PCDH9: variants seen among roughly 807,000 people sequenced by gnomAD.
PCDH9 encodes the protein protocadherin-9.
In PCDH9, 24 loss-of-function variants were observed where a neutral mutation model predicts 70.6. The observed-to-expected ratio is 0.34, with a 90% CI of 0.25 to 0.48. The LOEUF is 0.48. PCDH9 is among the 20% of genes least tolerant of loss of function. The pLI is 0.99. For synonymous variants in PCDH9, 562 were observed against 558.5 expected (o/e 1.01, Z -0.09); for missense variants, 1,281 against 1,503.6 (o/e 0.85, Z 2.45).
At chr13:67,161,656 G>A (rs577749637) in intron 2 of PCDH9, among the ~76,000 whole-genome samples, 30 of 152,268 alleles carry the variant, frequency 2.0e-4, no homozygotes, top group African/African-American at 7.0e-4. Flanking sequence ...ACCGTAGAAT[G>A]TACCACTCAC....
chr13:66,938,798 T>C (rs2082959153), intron 2 of PCDH9, among the ~76,000 whole-genome samples: 1 of 152,190 alleles, frequency 6.6e-6, no homozygotes, highest in Non-Finnish European at 1.5e-5. Flanking sequence ...GTAATATGTG[T>C]ACATTTTTTA....
chr13:66,362,672 C>G, intron 4 of PCDH9, among the ~76,000 whole-genome samples: 1 of 151,930 alleles, frequency 6.6e-6, no homozygotes, highest in East Asian at 1.9e-4. Context: ...CTGTTCCTCT[C>G]TCTCTTTCAT....
intron 2 of PCDH9, among the ~76,000 whole-genome samples, chr13:67,105,739 T>C (rs999568932): frequency 2.0e-5 from 3 of 151,964 alleles, no homozygotes; most frequent in African/African-American, 7.2e-5. Context: ...ATTTACTAAA[T>C]TCCAAAGCTT....
intron 2 of PCDH9, among the ~76,000 whole-genome samples, chr13:66,968,898 T>C (rs9599166): frequency 0.99 from 150,800 of 152,116 alleles, 74,759 homozygotes; most frequent in East Asian, 1. Context: ...TGACTGAATA[T>C]CAGTTAAGGA....
intron 4 of PCDH9, among the ~76,000 whole-genome samples, chr13:66,522,313 G>A (rs543857219): frequency 5.3e-5 from 8 of 151,962 alleles, no homozygotes; most frequent in East Asian, 1.9e-4. Context: ...TTACATTGTC[G>A]TATGGAAAAG....
intron 2 of PCDH9, among the ~76,000 whole-genome samples, chr13:67,015,760 T>G (rs1454886041): frequency 6.6e-6 from 1 of 152,204 alleles, no homozygotes; most frequent in Non-Finnish European, 1.5e-5. Context: ...TCTCTGTCCT[T>G]GCATAATTGT....
chr13:66,812,669 C>A (rs551581847), intron 3 of PCDH9, among the ~76,000 whole-genome samples: 2 of 152,132 alleles, frequency 1.3e-5, no homozygotes, highest in African/African-American at 4.8e-5. Flanking sequence ...TCTAGGTATG[C>A]AATGTTGTTT....
intron 4 of PCDH9, among the ~76,000 whole-genome samples, chr13:66,427,416 T>A (rs955823862): frequency 2.0e-5 from 3 of 151,782 alleles, no homozygotes; most frequent in African/African-American, 4.8e-5. Flanking sequence ...TAAATGCATA[T>A]CCATTCAAAT....
chr13:67,150,045 ATTTTAT>A (rs1720979685), intron 2 of PCDH9, among the ~76,000 whole-genome samples: 1 of 152,024 alleles, frequency 6.6e-6, no homozygotes, highest in African/African-American at 2.4e-5. Flanking sequence ...AGTTTTATTT[ATTTTAT>A]TTTTATTTTT....
At chr13:66,362,520 T>C (rs1211951195) in intron 4 of PCDH9, among the ~76,000 whole-genome samples, 1 of 152,188 alleles carries the variant, frequency 6.6e-6, no homozygotes, top group Non-Finnish European at 1.5e-5. Flanking sequence ...GGTGAAATCC[T>C]CTATTCATTG....
At chr13:67,162,907 A>C (rs577611764) in intron 2 of PCDH9, among the ~76,000 whole-genome samples, 1 of 152,308 alleles carries the variant, frequency 6.6e-6, no homozygotes, top group Admixed American at 6.5e-5. Flanking sequence ...TTTAGTGGTG[A>C]AATTTAGAAA....
intron 3 of PCDH9, among the ~76,000 whole-genome samples, chr13:66,777,553 G>C (rs1379162329): frequency 1.3e-5 from 2 of 152,182 alleles, no homozygotes; most frequent in African/African-American, 4.8e-5. Context: ...CTGGCCATCA[G>C]AGAAATGCAA....
chr13:66,549,529 AT>A (rs1267704053), intron 4 of PCDH9, among the ~76,000 whole-genome samples: 1 of 150,486 alleles, frequency 6.6e-6, no homozygotes, highest in African/African-American at 2.4e-5. Flanking sequence ...CTGTTCACTT[AT>A]TTTTTTTTAA....
chr13:67,058,102 T>A (rs1299803179), intron 2 of PCDH9, among the ~76,000 whole-genome samples: 1 of 152,188 alleles, frequency 6.6e-6, no homozygotes, highest in Non-Finnish European at 1.5e-5. Flanking sequence ...TATTTTCTGT[T>A]TTTATTAAAA....
chr13:67,225,994 A>T lies in PCDH9; in HGVS notation c.2447T>A (p.Met816Lys). Residue 816 changes from methionine (M) to lysine (K), a missense_variant, in exon 2 of 5, where the codon ATG becomes AAG. This residue lies in a region of PCDH9 where 798 missense variants were observed against 1,003.1 expected (regional missense o/e 0.80). Coordinates refer to ENST00000377865, the MANE Select transcript of PCDH9 (RefSeq NM_203487.3). ...CATGGCACCGGCGATGATGGCAATCATGATGGTTAGATAGTCCTCATTTTG... is the reference window on the plus strand; with the variant it reads ...CATGGCACCGGCGATGATGGCAATCTTGATGGTTAGATAGTCCTCATTTTG... ...PYQNEDYLTI[M>K]IAIIAGAMVV... 1 of 1,614,128 alleles carries T rather than the reference A, an allele frequency of 6.2e-7. No homozygotes were observed. Among genetic ancestry groups the T allele is most frequent in the Non-Finnish European group, 8.5e-7 (1 of 1,180,010 alleles).
intron 3 of PCDH9, among the ~76,000 whole-genome samples, chr13:66,812,520 C>A (rs1483150201): frequency 6.6e-6 from 1 of 152,144 alleles, no homozygotes. Flanking sequence ...TAAAAATGTA[C>A]CTGATTTGTC....
intron 2 of PCDH9, among the ~76,000 whole-genome samples, chr13:67,015,116 C>T (rs1191872339): frequency 2.6e-5 from 4 of 152,070 alleles, no homozygotes; most frequent in African/African-American, 9.7e-5. Context: ...AGATTATTGA[C>T]TCCTGGCTCC....
intron 3 of PCDH9, among the ~76,000 whole-genome samples, chr13:66,701,416 T>C (rs762234351): frequency 2.0e-5 from 3 of 152,162 alleles, no homozygotes; most frequent in African/African-American, 4.8e-5. Flanking sequence ...CATATATATG[T>C]ATGTGCATAT....
At chr13:66,528,837 G>T (rs764159295) in intron 4 of PCDH9, among the ~76,000 whole-genome samples, 2 of 152,052 alleles carry the variant, frequency 1.3e-5, no homozygotes, top group Non-Finnish European at 2.9e-5. Flanking sequence ...TTGTCCAAAT[G>T]AATGCATCAC....
Sources: allele counts gnomAD v4.1 joint callset (sites outside exome capture counted in the v4.1 genomes callset), GRCh38; gene constraint gnomAD v4.1.1; regional missense constraint gnomAD v4.1.1; transcripts MANE v1.5; gene names NCBI Gene and HGNC (gene_info 2026-07-23, HGNC 2026-07-21).